Variants in TSHZ2 observed in about 807,000 individuals in gnomAD.
The protein encoded by TSHZ2 is teashirt homolog 2.
Under a neutral mutation model 74.4 loss-of-function variants are expected in TSHZ2, and 21 were observed. The ratio of observed to expected loss-of-function variants is 0.28; its 90% CI spans 0.20 to 0.41. The LOEUF (loss-of-function observed/expected upper bound fraction) is 0.41, where lower values mean the gene tolerates loss of function less well. Among genes scored for constraint, TSHZ2 ranks in the 10% least tolerant of loss-of-function variants. TSHZ2 has a pLI of 1.00. For synonymous variants in TSHZ2, 540 were observed against 515.3 expected (o/e 1.05, Z -0.65); for missense variants, 1,244 against 1,293.5 (o/e 0.96, Z 0.59).
At chr20:53,467,048 C>A (rs1481601051) in intron 2 of TSHZ2, among the ~76,000 whole-genome samples, 1 of 152,198 alleles carries the variant, frequency 6.6e-6, no homozygotes, top group Non-Finnish European at 1.5e-5. Flanking sequence ...AAGGCTCTCT[C>A]TTCTCATCAA....
intron 2 of TSHZ2, among the ~76,000 whole-genome samples, chr20:53,464,265 T>G (rs1179361868): frequency 6.6e-6 from 1 of 152,154 alleles, no homozygotes; most frequent in Non-Finnish European, 1.5e-5. Context: ...ACCAATATAT[T>G]ATTCATGACA....
intron 1 of TSHZ2, chr20:53,208,719 A>C (rs1989232945): frequency 6.6e-6 from 1 of 152,196 alleles, no homozygotes; most frequent in African/African-American, 2.4e-5. Flanking sequence ...AGAGCAGTTA[A>C]CTAACTCTTT....
At chr20:53,058,275 C>T (rs1029716925) in intron 1 of TSHZ2, among the ~76,000 whole-genome samples, 1 of 152,162 alleles carries the variant, frequency 6.6e-6, no homozygotes, top group African/African-American at 2.4e-5. Context: ...AGTTGGGGAC[C>T]TCTGTCTTTG....
chr20:53,039,407 C>G (rs950352448), intron 1 of TSHZ2, among the ~76,000 whole-genome samples: 2 of 152,172 alleles, frequency 1.3e-5, no homozygotes, highest in Admixed American at 1.3e-4. Flanking sequence ...TGTATTCACA[C>G]CTGGTACAGG....
At chr20:53,215,115 GT>G (rs767806125) in intron 1 of TSHZ2, among the ~76,000 whole-genome samples, 3 of 151,924 alleles carry the variant, frequency 2.0e-5, no homozygotes, top group East Asian at 1.9e-4. Flanking sequence ...GTTTGTTTGA[GT>G]TTTTTTTAAA....
chr20:53,060,167 A>AT (rs1317694814), intron 1 of TSHZ2, among the ~76,000 whole-genome samples: 9 of 152,166 alleles, frequency 5.9e-5, no homozygotes, highest in African/African-American at 2.2e-4. Context: ...TTGATTCTAC[A>AT]TTTATACGGC....
At chr20:53,315,100 C>A (rs1180206330) in intron 2 of TSHZ2, among the ~76,000 whole-genome samples, 3 of 152,214 alleles carry the variant, frequency 2.0e-5, no homozygotes, top group African/African-American at 7.2e-5. Context: ...TTGATGGGTG[C>A]AGTTCCACGC....
intron 1 of TSHZ2, among the ~76,000 whole-genome samples, chr20:53,224,383 A>C (rs1287324287): frequency 6.6e-6 from 1 of 152,220 alleles, no homozygotes; most frequent in Non-Finnish European, 1.5e-5. Flanking sequence ...GCTAGGACCC[A>C]ATGACACTAA....
At chr20:53,243,999 A>C (rs1313381843) in intron 1 of TSHZ2, among the ~76,000 whole-genome samples, 3 of 152,190 alleles carry the variant, frequency 2.0e-5, no homozygotes, top group Non-Finnish European at 2.9e-5. Context: ...TCAGAGAAAG[A>C]AGCAGCATTT....
At chr20:53,073,081 T>C (rs1256364141) in intron 1 of TSHZ2, among the ~76,000 whole-genome samples, 19 of 96,668 alleles carry the variant, frequency 2.0e-4, no homozygotes, top group African/African-American at 3.0e-4. Context: ...TCCATTCCTT[T>C]ATTCATCTAT....
At chr20:53,472,300 G>A (rs1357381789) in intron 2 of TSHZ2, among the ~76,000 whole-genome samples, 2 of 152,192 alleles carry the variant, frequency 1.3e-5, no homozygotes, top group Non-Finnish European at 2.9e-5. Context: ...AGGTGGCCGT[G>A]GAAATACAGT....
At chr20:53,025,145 C>CT (rs1568724882) in intron 1 of TSHZ2, among the ~76,000 whole-genome samples, 1 of 149,334 alleles carries the variant, frequency 6.7e-6, no homozygotes, top group African/African-American at 2.5e-5. Context: ...GTATTAAAGA[C>CT]TATATATTAT....
chr20:53,325,315 G>A (rs1979443578), intron 2 of TSHZ2, among the ~76,000 whole-genome samples: 1 of 152,198 alleles, frequency 6.6e-6, no homozygotes, highest in Non-Finnish European at 1.5e-5. Flanking sequence ...TGATTTAACA[G>A]GGACTTTCCC....
intron 2 of TSHZ2, among the ~76,000 whole-genome samples, chr20:53,262,671 G>T (rs1451231234): frequency 6.6e-6 from 1 of 152,170 alleles, no homozygotes; most frequent in Non-Finnish European, 1.5e-5. Context: ...TGCAAGAATC[G>T]CAGGGCAGTT....
At chr20:53,427,469 A>G (rs1228585926) in intron 2 of TSHZ2, among the ~76,000 whole-genome samples, 1 of 150,246 alleles carries the variant, frequency 6.7e-6, no homozygotes, top group Non-Finnish European at 1.5e-5. Flanking sequence ...CTGTAGGGGG[A>G]AAAAAACTGT....
chr20:53,210,084 C>T (rs919977307), intron 1 of TSHZ2, among the ~76,000 whole-genome samples: 1 of 152,228 alleles, frequency 6.6e-6, no homozygotes, highest in Non-Finnish European at 1.5e-5. Context: ...CGTCGCAGGA[C>T]GTGAGACAGG....
Position 53,493,764 on chromosome 20 carries a change from G to T in TSHZ2, c.*6629G>T, listed in dbSNP as rs372413803. The T allele has an allele frequency of 3.3e-5, 5 of 151,792 alleles. No individual in the cohort carries two copies. The East Asian group carries it at 9.7e-4, about 29-fold the overall frequency. 9.4% of individuals were successfully genotyped at this position (151,792 alleles called of 1,614,324 possible). On this transcript the variant is annotated 3_prime_UTR_variant, in exon 3 of 3. Coordinates refer to ENST00000371497, the MANE Select transcript of TSHZ2 (RefSeq NM_173485.6). The stretch of plus-strand genomic sequence containing the variant: ...AAAAAAAAAAAGAACTTTTCTGCTA[G>T]GAAGATTATACCACCCTGTGGCCAA...
intron 1 of TSHZ2, among the ~76,000 whole-genome samples, chr20:53,183,826 A>G (rs1053476567): frequency 5.3e-5 from 8 of 152,212 alleles, no homozygotes; most frequent in African/African-American, 1.9e-4. Context: ...AGTAGCCAGG[A>G]TGGGTCAACC....
intron 2 of TSHZ2, among the ~76,000 whole-genome samples, chr20:53,332,202 A>G (rs566026186): frequency 7.9e-5 from 12 of 152,148 alleles, no homozygotes; most frequent in Non-Finnish European, 1.2e-4. Flanking sequence ...ACAAATCATC[A>G]TGACTGAGCT....
Sources: allele counts gnomAD v4.1 joint callset (sites outside exome capture counted in the v4.1 genomes callset), GRCh38; gene constraint gnomAD v4.1.1; transcripts MANE v1.5; gene names NCBI Gene and HGNC (gene_info 2026-07-23, HGNC 2026-07-21).